The following RTBDN variants were observed in gnomAD, a reference collection of about 807,000 sequenced individuals.
RTBDN encodes retbindin.
RTBDN carries 24 observed loss-of-function variants against 21.9 expected under a neutral mutation model. The ratio of observed to expected loss-of-function variants is 1.10; its 90% CI spans 0.79 to 1.54. RTBDN has a LOEUF of 1.54. Ranked by LOEUF, RTBDN falls within the 40% of genes most tolerant of loss-of-function variation. The pLI is 0.00. For synonymous variants in RTBDN, 141 were observed against 125.9 expected (o/e 1.12, Z -0.80); for missense variants, 325 against 315.2 (o/e 1.03, Z -0.23).
rs1222033043 is a variant in RTBDN at position 12,834,124 on chromosome 19, C to A, written c.-19+365G>T. On this transcript the variant is annotated intron_variant, in intron 1 of 5. Coordinates refer to ENST00000674343, the MANE Select transcript of RTBDN (RefSeq NM_001270441.2). The surrounding 1 kb of genome is among the most constrained non-coding windows in gnomAD (Gnocchi z 4.7). ...GCCGGGACGCCCCCACCCATAGGTT[C>A]GGGACGCTAACCGCGGGGAACGCTG... is the stretch of plus-strand genomic sequence containing the variant. The A allele has an allele frequency of 2.2e-5, 9 of 401,490 alleles. No homozygotes were observed. The highest frequency in any genetic ancestry group is 3.9e-5 in the Non-Finnish European group (9 of 227,914). The allele number at this position is 401,490 out of a possible 1,614,324, so 24.9% of individuals were successfully genotyped here.
chr19:12,830,187 C>T lies in RTBDN; in HGVS notation c.-18-190G>A. 14 of 1,337,040 alleles carry T rather than the reference C, an allele frequency of 1.0e-5. No individual in the cohort carries two copies. Among genetic ancestry groups the T allele is most frequent in the South Asian group, 1.0e-4 (6 of 59,468 alleles). The allele number at this position is 1,337,040 out of a possible 1,614,324, so 82.8% of individuals were successfully genotyped here. ...GCCTGCCTCCAACCTAGGAGCCCCC[C>T]TCCCATCAGAACCATGTCCTCTATG... is the stretch of plus-strand genomic sequence containing the variant. On this transcript the variant is annotated intron_variant, in intron 1 of 5. Coordinates refer to ENST00000674343, the MANE Select transcript of RTBDN (RefSeq NM_001270441.2). The surrounding 1 kb of genome is among the most constrained non-coding windows in gnomAD (Gnocchi z 4.2).
rs1175735788 is a variant in RTBDN at position 12,826,307 on chromosome 19, G to GCA, written c.463-376_463-375dup. 2.5e-6 allele frequency: 3 copies of GCA among 1,219,426 alleles called. No individual in the cohort carries two copies. The South Asian group carries it at 4.8e-5, about 19-fold the overall frequency. The allele number at this position is 1,219,426 out of a possible 1,614,324, so 75.5% of individuals were successfully genotyped here. ...CTTCGAGAGCTTTTGGGGTCAAAGGGCACAACCCAGTAGGAGGTTGGGCTA... is the reference window on the plus strand; with the variant it reads ...CTTCGAGAGCTTTTGGGGTCAAAGGGCACACAACCCAGTAGGAGGTTGGGCTA... On this transcript the variant is annotated intron_variant, in intron 5 of 5. Transcript: ENST00000674343.
chr19:12,827,056 C>A (rs1425226492), intron 4 of RTBDN, among the ~76,000 whole-genome samples, 185 bp from the exon 5 acceptor site: 1 of 152,176 alleles, frequency 6.6e-6, no homozygotes, highest in Non-Finnish European at 1.5e-5. Flanking sequence ...TCTATCAGAT[C>A]TTTCCATACT....
intron 4 of RTBDN, among the ~76,000 whole-genome samples, chr19:12,827,384 C>T (rs1555737485): frequency 6.7e-6 from 1 of 149,984 alleles, no homozygotes; most frequent in Non-Finnish European, 1.5e-5. Context: ...GTGCAGTGGC[C>T]CAATCTCTGC....
chr19:12,829,560 C>G (rs1969473789), intron 2 of RTBDN, among the ~76,000 whole-genome samples: 1 of 152,194 alleles, frequency 6.6e-6, no homozygotes, highest in African/African-American at 2.4e-5. Flanking sequence ...TGTTATTTCT[C>G]TCTTTTTGGG....
Position 12,834,046 on chromosome 19 carries a change from C to T in RTBDN, c.-19+443G>A, listed in dbSNP as rs1159132544. 2.3e-5 allele frequency: 9 copies of T among 398,364 alleles called. No individual in the cohort carries two copies. Among genetic ancestry groups the T allele is most frequent in the East Asian group, 3.6e-5 (1 of 28,068 alleles). 24.7% of individuals were successfully genotyped at this position (398,364 alleles called of 1,614,324 possible). A position where few individuals can be genotyped will look rare whatever the true frequency, so the allele number is the denominator to read the frequency against. On this transcript the variant is annotated intron_variant, in intron 1 of 5. Transcript: ENST00000674343. The surrounding 1 kb of genome is among the most constrained non-coding windows in gnomAD (Gnocchi z 4.7). ...GGGCCCCGGGTGGAGAGGAAGGGGT[C>T]GGCGCCCTGGGGCGGGGCTGGGCAG...
In RTBDN at chr19:12,830,436, C is replaced by T. The variant is rs974843208; in HGVS notation, c.-18-439G>A. 2 of 988,938 alleles carry T rather than the reference C, an allele frequency of 2.0e-6. No individual in the cohort carries two copies. The highest frequency in any genetic ancestry group is 2.4e-6 in the Non-Finnish European group (2 of 832,224). The allele number at this position is 988,938 out of a possible 1,614,324, so 61.3% of individuals were successfully genotyped here. On this transcript the variant is annotated intron_variant, in intron 1 of 5. Transcript: ENST00000674343. This position sits in a 1 kb window ranked among gnomAD's most constrained non-coding sequence, Gnocchi z 4.2. ...CCCTGCCGGCCCTTCTCTGGGTCAC[C>T]TTCTCTCGGCCCACAATCGGCTTAG...
chr19:12,833,169 G>A (rs916679359), intron 1 of RTBDN, among the ~76,000 whole-genome samples: 2 of 152,108 alleles, frequency 1.3e-5, no homozygotes, highest in African/African-American at 4.8e-5. Context: ...CAGGTGGGTG[G>A]GGGGGCATAA....
upstream of RTBDN, chr19:12,835,127 G>A (rs1231488693): frequency 6.2e-7 from 1 of 1,611,680 alleles, no homozygotes; most frequent in East Asian, 2.2e-5. Flanking sequence ...CATCATTCCC[G>A]AGGTTGAAGG....
At chr19:12,829,759 G>T (rs2145856975) in intron 2 of RTBDN, 52 bp downstream of exon 2, 4 of 1,555,790 alleles carry the variant, frequency 2.6e-6, no homozygotes, top group African/African-American at 2.7e-5. Context: ...TCATGGCAGG[G>T]TAGGTGTGGG....
chr19:12,835,428 T>A, upstream of RTBDN: 1 of 323,546 alleles, frequency 3.1e-6, no homozygotes, highest in Non-Finnish European at 5.8e-6. Flanking sequence ...GTCGGGTTTC[T>A]GAGAAAAGGG....
intron 2 of RTBDN, 119 bp downstream of exon 2, chr19:12,829,692 G>T (rs983222619): frequency 6.1e-6 from 6 of 989,550 alleles, no homozygotes; most frequent in Non-Finnish European, 1.5e-6. Flanking sequence ...AGCACTATCC[G>T]TGCCTCCCAC....
At position 12,828,729 on chromosome 19, in the gene RTBDN, C is replaced by A; in HGVS notation, c.293G>T (p.Arg98Leu). 1 of 1,614,170 alleles carries A rather than the reference C, an allele frequency of 6.2e-7. No individual in the cohort carries two copies. The highest frequency in any genetic ancestry group is 1.1e-5 in the South Asian group (1 of 91,082). The stretch of plus-strand genomic sequence containing the variant: ...CAATAGCCGCAGGCGGAAGCGACTG[C>A]GAAGGGCACGTTGGAGGTGTTCCAG... ...SFLEHLQRAL[R>L]SRFRLRLLGV... The change falls in exon 4 of 6, where the codon CGC becomes CTC. Residue 98 changes from arginine to leucine, a missense_variant. Transcript: ENST00000674343.
chr19:12,833,259 G>A (rs1969641568), intron 1 of RTBDN, among the ~76,000 whole-genome samples: 1 of 152,148 alleles, frequency 6.6e-6, no homozygotes, highest in African/African-American at 2.4e-5. Flanking sequence ...CTGTAAGCAT[G>A]AGATCTCTCC....
intron 1 of RTBDN, among the ~76,000 whole-genome samples, chr19:12,833,369 T>G (rs1969645517): frequency 6.6e-6 from 1 of 152,012 alleles, no homozygotes; most frequent in Non-Finnish European, 1.5e-5. Context: ...GAATTGTTAC[T>G]CCTGGGATCT....
upstream of RTBDN, chr19:12,834,583 C>T: frequency 2.6e-6 from 4 of 1,517,300 alleles, no homozygotes; most frequent in South Asian, 4.8e-5. The surrounding 1 kb of genome is among the most constrained non-coding windows in gnomAD (Gnocchi z 4.7). Context: ...CTACAACATC[C>T]GCCCCCCCAC....
rs1287716310 is a variant in RTBDN, at chr19:12,828,640, G to GC, written c.365+16dup. The GC allele has an allele frequency of 1.3e-6, 2 of 1,592,630 alleles. No individual in the cohort carries two copies. Among genetic ancestry groups the GC allele is most frequent in the African/African-American group, 2.7e-5 (2 of 74,412 alleles). On this transcript the variant is annotated intron_variant, in intron 4 of 5. Transcript: ENST00000674343. Reference sequence around the variant, plus strand: ...GCCCAAGTCACAACCCACGCCCCTTGCCCCCGCGTCTCCTACCAGGCCTGG... The same window carrying GC: ...GCCCAAGTCACAACCCACGCCCCTTGCCCCCCGCGTCTCCTACCAGGCCTGG...
At chr19:12,826,157 G>T (rs1168035503) in intron 5 of RTBDN, 1 of 1,379,816 alleles carries the variant, frequency 7.2e-7, no homozygotes, top group Non-Finnish European at 9.3e-7. Context: ...GCAGTTGGGG[G>T]GCGCGCAGAG....
intron 2 of RTBDN, 171 bp from the exon 3 acceptor site, chr19:12,829,124 C>T: frequency 1.8e-6 from 2 of 1,084,292 alleles, no homozygotes; most frequent in Non-Finnish European, 2.6e-6. Flanking sequence ...TAGTAATAAT[C>T]ATTTCTTGTT....
Sources: allele counts gnomAD v4.1 joint callset (sites outside exome capture counted in the v4.1 genomes callset), GRCh38; gene constraint gnomAD v4.1.1; non-coding constraint Gnocchi (gnomAD v3.1); transcripts MANE v1.5; gene names NCBI Gene and HGNC (gene_info 2026-07-23, HGNC 2026-07-21).